The following PKN2 variants were observed in gnomAD, a reference collection of about 807,000 sequenced individuals.
The protein encoded by PKN2 is protein kinase N2.
Under a neutral mutation model 119.1 loss-of-function variants are expected in PKN2, and 38 were observed. The ratio of observed to expected loss-of-function variants is 0.32; its 90% CI spans 0.25 to 0.42. The LOEUF is 0.42. Among genes scored for constraint, PKN2 ranks in the 10% least tolerant of loss-of-function variants. The probability of loss-of-function intolerance (pLI) is 1.00; values close to 1 mark genes in which losing one functional copy is unlikely to be tolerated. For synonymous variants in PKN2, 390 were observed against 384.9 expected (o/e 1.01, Z -0.15); for missense variants, 850 against 1,165.1 (o/e 0.73, Z 3.94).
Position 88,771,836 on chromosome 1 carries a change from G to T in PKN2, c.942G>T (p.Thr314=), listed in dbSNP as rs374860858. The change falls in exon 6 of 22, where the codon ACG becomes ACT. Residue 314 remains threonine, a synonymous_variant. Coordinates refer to ENST00000370521, the MANE Select transcript of PKN2 (RefSeq NM_006256.4). ...GTCCACGTCAAAGTATGATATCTAC[G>T]CAAAATCAATATAGTACACTATCCA... ...TLSPRQSMIS[T]QNQYSTLSKP... is the part of the protein sequence containing the mutation. 6.2e-7 allele frequency: 1 copy of T among 1,613,714 alleles called. No individual in the cohort carries two copies. Among genetic ancestry groups the T allele is most frequent in the African/African-American group, 1.3e-5 (1 of 74,876 alleles).
chr1:88,756,612 A>G (rs997116033), intron 2 of PKN2, among the ~76,000 whole-genome samples: 3 of 152,222 alleles, frequency 2.0e-5, no homozygotes, highest in African/African-American at 4.8e-5. Context: ...TGTGCTTACT[A>G]TAAGCTATCT....
At chr1:88,812,195 A>G (rs1671806811) in intron 15 of PKN2, among the ~76,000 whole-genome samples, 1 of 152,228 alleles carries the variant, frequency 6.6e-6, no homozygotes, top group South Asian at 2.1e-4. Context: ...ATTTGGATCT[A>G]TAAAAGAGCC....
chr1:88,783,288 T>C (rs1171628293), intron 6 of PKN2, among the ~76,000 whole-genome samples: 1 of 152,226 alleles, frequency 6.6e-6, no homozygotes, highest in Non-Finnish European at 1.5e-5. Flanking sequence ...CTCTAGCTGC[T>C]TTGGTTTCCT....
intron 17 of PKN2, 76 bp downstream of exon 17, chr1:88,822,079 T>C (rs115505411): frequency 0.024 from 30,226 of 1,272,466 alleles, 791 homozygotes; most frequent in Admixed American, 0.16. Context: ...TTGTTTTTCT[T>C]AAACATTTTA....
intron 8 of PKN2, among the ~76,000 whole-genome samples, chr1:88,801,571 ATATCTC>A (rs1395024462): frequency 1.3e-5 from 2 of 152,198 alleles, no homozygotes; most frequent in African/African-American, 4.8e-5. Context: ...CTAACATAAA[ATATCTC>A]TAGATCACAG....
intron 1 of PKN2, among the ~76,000 whole-genome samples, chr1:88,718,644 G>A (rs1040579539): frequency 2.0e-5 from 3 of 152,126 alleles, no homozygotes; most frequent in African/African-American, 4.8e-5. Flanking sequence ...TCAAGGAAAT[G>A]TGCTCTCAGA....
intron 16 of PKN2, 143 bp from the exon 17 acceptor site, chr1:88,821,798 G>A (rs1672303919): frequency 1.7e-6 from 1 of 596,650 alleles, no homozygotes; most frequent in Non-Finnish European, 2.6e-6. Flanking sequence ...CTAATATCTA[G>A]CACAATGTGA....
intron 2 of PKN2, among the ~76,000 whole-genome samples, chr1:88,748,993 C>G (rs934163415): frequency 1.3e-5 from 2 of 152,152 alleles, no homozygotes; most frequent in Non-Finnish European, 2.9e-5. Context: ...TTCCCACTAT[C>G]AGTGAATGAG....
chr1:88,757,973 G>A (rs994734746), intron 2 of PKN2, among the ~76,000 whole-genome samples: 5 of 148,432 alleles, frequency 3.4e-5, no homozygotes, highest in Non-Finnish European at 5.9e-5. Flanking sequence ...CCCAGGAGGC[G>A]GAGGTTGCAG....
intron 1 of PKN2, among the ~76,000 whole-genome samples, chr1:88,694,357 G>A (rs534543496): frequency 4.6e-5 from 7 of 152,222 alleles, no homozygotes; most frequent in East Asian, 3.9e-4. Flanking sequence ...AATCTCATGC[G>A]GTTGGAATCA....
intron 1 of PKN2, among the ~76,000 whole-genome samples, chr1:88,698,435 A>G (rs1225277110): frequency 1.3e-5 from 2 of 152,200 alleles, no homozygotes; most frequent in African/African-American, 4.8e-5. Flanking sequence ...TTTCAAAGCA[A>G]TCTTTGATAA....
intron 6 of PKN2, among the ~76,000 whole-genome samples, chr1:88,774,915 C>G (rs1670033328): frequency 6.6e-6 from 1 of 152,102 alleles, no homozygotes; most frequent in African/African-American, 2.4e-5. Context: ...CACTGTGTTG[C>G]TCAGGCTTGT....
intron 2 of PKN2, among the ~76,000 whole-genome samples, chr1:88,750,079 T>G (rs947219238): frequency 2.6e-5 from 4 of 152,196 alleles, no homozygotes; most frequent in Non-Finnish European, 2.9e-5. Flanking sequence ...ATTTGTAGAA[T>G]GAGAGGGACA....
At position 88,820,225 on chromosome 1, in the gene PKN2, TATATATATAAATAGAA is replaced by T. The variant is rs1405534963; in HGVS notation, c.2280-1714_2280-1699del. Among the ~76,000 whole-genome samples, 231 of 41,378 alleles carry T rather than the reference TATATATATAAATAGAA, an allele frequency of 5.6e-3. 2 individuals carry two copies. The highest frequency in any genetic ancestry group is 0.023 in the African/African-American group (223 of 9,666). The allele number at this position is 41,378 out of a possible 152,430, so 27.1% of individuals were successfully genotyped here. The stretch of plus-strand genomic sequence containing the variant: ...ATATATATATATATATATATATATA[TATATATATAAATAGAA>T]AAAAATAAAAATGCGAGGCACCATG... On this transcript the variant is annotated intron_variant, in intron 16 of 21. Coordinates refer to ENST00000370521, the MANE Select transcript of PKN2 (RefSeq NM_006256.4).
intron 8 of PKN2, among the ~76,000 whole-genome samples, chr1:88,799,663 C>T (rs1298530633): frequency 6.6e-6 from 1 of 152,134 alleles, no homozygotes; most frequent in African/African-American, 2.4e-5. Context: ...CAACTCCTGT[C>T]GGGTAGTTCC....
chr1:88,716,740 G>C (rs1473535350), intron 1 of PKN2, among the ~76,000 whole-genome samples: 5 of 151,966 alleles, frequency 3.3e-5, no homozygotes, highest in Non-Finnish European at 7.4e-5. Context: ...GGTCTTGACT[G>C]TTTATCCAGT....
At chr1:88,696,581 C>T (rs1257009094) in intron 1 of PKN2, among the ~76,000 whole-genome samples, 1 of 152,140 alleles carries the variant, frequency 6.6e-6, no homozygotes, top group East Asian at 1.9e-4. Flanking sequence ...CTATATGTCA[C>T]AATTCTAAAT....
chr1:88,748,777 A>AG (rs397796937), intron 2 of PKN2, among the ~76,000 whole-genome samples: 1 of 151,480 alleles, frequency 6.6e-6, no homozygotes, highest in Non-Finnish European at 1.5e-5. Flanking sequence ...TCCACAAAAA[A>AG]TTTAAAAATT....
chr1:88,770,402 A>C lies in PKN2; in HGVS notation c.555A>C (p.Thr185=), dbSNP rs2100800178. The change falls in exon 4 of 22, where the codon ACA becomes ACC. Residue 185 remains threonine (T), a synonymous_variant. Transcript: ENST00000370521. ...AGCAACTGCTCCAGGACAGCAAGAC[A>C]AAAATAGAAGTCATACGAATGCAGA... The part of the protein sequence containing the change: ...TAQQLLQDSK[T]KIEVIRMQIL... 6.2e-7 allele frequency: 1 copy of C among 1,613,790 alleles called. No individual in the cohort carries two copies. The highest frequency in any genetic ancestry group is 2.2e-5 in the East Asian group (1 of 44,866).
Sources: allele counts gnomAD v4.1 joint callset (sites outside exome capture counted in the v4.1 genomes callset), GRCh38; gene constraint gnomAD v4.1.1; transcripts MANE v1.5; gene names NCBI Gene and HGNC (gene_info 2026-07-23, HGNC 2026-07-21).